HECW1: variants seen among roughly 807,000 people sequenced by gnomAD.
HECW1 encodes E3 ubiquitin-protein ligase HECW1.
HECW1 carries 61 observed loss-of-function variants against 182.3 expected under a neutral mutation model. The observed-to-expected ratio is 0.33, with a 90% CI of 0.27 to 0.41. The LOEUF is 0.41. Ranked by LOEUF, HECW1 falls within the 10% of genes least tolerant of loss-of-function variation. HECW1 has a pLI of 1.00. For synonymous variants in HECW1, 859 were observed against 832.6 expected (o/e 1.03, Z -0.55); for missense variants, 1,739 against 2,108.9 (o/e 0.82, Z 3.44).
chr7:43,140,409 CA>C (rs140149282), intron 2 of HECW1, among the ~76,000 whole-genome samples: 4 of 152,068 alleles, frequency 2.6e-5, no homozygotes, highest in East Asian at 1.9e-4. Flanking sequence ...GTCAGTTCTC[CA>C]AAAAAATCCT....
rs148633194 is a variant in HECW1 at position 43,129,806 on chromosome 7, C to T, written c.-32+15415C>T. On this transcript the variant is annotated intron_variant, in intron 2 of 29. Transcript: ENST00000395891. The stretch of plus-strand genomic sequence containing the variant: ...CACAGATGCTCAAGTCGCTGGTATA[C>T]GATGGTGTGGTACCTGCCCATAAGC... Among the ~76,000 whole-genome samples, 360 of 152,124 alleles carry T rather than the reference C, an allele frequency of 2.4e-3. 2 individuals are homozygous for T. The highest frequency in any genetic ancestry group is 7.9e-3 in the African/African-American group (330 of 41,548).
At chr7:43,359,162 C>T (rs570991858) in intron 5 of HECW1, among the ~76,000 whole-genome samples, 2 of 152,232 alleles carry the variant, frequency 1.3e-5, no homozygotes, top group South Asian at 4.2e-4. Context: ...CTGTAATATT[C>T]GTATCTACAG....
intron 24 of HECW1, among the ~76,000 whole-genome samples, chr7:43,535,208 G>T (rs766739143): frequency 6.6e-5 from 10 of 152,212 alleles, no homozygotes; most frequent in Non-Finnish European, 1.5e-4. Flanking sequence ...CGCTGAAGGG[G>T]AGGGTTGAGT....
intron 2 of HECW1, among the ~76,000 whole-genome samples, chr7:43,199,266 AGT>A (rs1794820628): frequency 6.6e-6 from 1 of 152,248 alleles, no homozygotes; most frequent in Non-Finnish European, 1.5e-5. Context: ...ACATTTTAAA[AGT>A]GTGTTTTATA....
chr7:43,397,004 A>G (rs2075253754), intron 7 of HECW1, 115 bp downstream of exon 7: 1 of 772,894 alleles, frequency 1.3e-6, no homozygotes, highest in Non-Finnish European at 2.3e-6. Flanking sequence ...CTGTGCCTCA[A>G]TTTCTCAATC....
intron 2 of HECW1, among the ~76,000 whole-genome samples, chr7:43,183,739 T>C (rs1793090081): frequency 6.6e-6 from 1 of 152,216 alleles, no homozygotes; most frequent in Non-Finnish European, 1.5e-5. Context: ...TGAATGTTGT[T>C]TGATACTTTC....
At chr7:43,404,023 C>G (rs1190349087) in intron 7 of HECW1, among the ~76,000 whole-genome samples, 2 of 152,126 alleles carry the variant, frequency 1.3e-5, no homozygotes, top group Admixed American at 6.5e-5. Context: ...TCTATGTGCT[C>G]TTATGGACAT....
intron 17 of HECW1, among the ~76,000 whole-genome samples, chr7:43,485,483 A>G (rs1019127000): frequency 1.3e-5 from 2 of 152,156 alleles, no homozygotes; most frequent in Non-Finnish European, 2.9e-5. Flanking sequence ...TTGTTAGGCA[A>G]TCTTGTCACT....
At chr7:43,491,830 A>T (rs1467208274) in intron 17 of HECW1, among the ~76,000 whole-genome samples, 2 of 152,096 alleles carry the variant, frequency 1.3e-5, no homozygotes, top group African/African-American at 4.8e-5. Context: ...TGACCTTGTT[A>T]TCAAGGTCTC....
intron 2 of HECW1, among the ~76,000 whole-genome samples, chr7:43,222,566 C>T (rs547033814): frequency 2.0e-5 from 3 of 152,268 alleles, no homozygotes; most frequent in Non-Finnish European, 4.4e-5. Context: ...ATCATATTTT[C>T]TTCAGCTGCT....
chr7:43,184,891 G>C (rs1224606148), intron 2 of HECW1, among the ~76,000 whole-genome samples: 1 of 152,066 alleles, frequency 6.6e-6, no homozygotes, highest in East Asian at 1.9e-4. Context: ...GCTGGAGCAA[G>C]AGGAACAGAT....
chr7:43,228,977 T>C (rs982836553), intron 2 of HECW1, among the ~76,000 whole-genome samples: 2 of 152,234 alleles, frequency 1.3e-5, no homozygotes, highest in East Asian at 3.8e-4. Flanking sequence ...TGTCTTTTTT[T>C]CTTCTGTTTT....
chr7:43,374,088 T>C (rs975150695), intron 6 of HECW1, among the ~76,000 whole-genome samples: 1 of 152,212 alleles, frequency 6.6e-6, no homozygotes, highest in Admixed American at 6.5e-5. Context: ...TTGAGGAAAC[T>C]CCACTGGTTA....
At chr7:43,300,889 G>A (rs1057400111) in intron 3 of HECW1, among the ~76,000 whole-genome samples, 3 of 152,100 alleles carry the variant, frequency 2.0e-5, no homozygotes, top group African/African-American at 7.2e-5. Context: ...CCCTGCACCC[G>A]CCCAGGAGCC....
chr7:43,544,444 G>A (rs867463015), intron 26 of HECW1, among the ~76,000 whole-genome samples: 1 of 152,190 alleles, frequency 6.6e-6, no homozygotes, highest in Non-Finnish European at 1.5e-5. Context: ...TCATTAGAAT[G>A]TCAAGAATCA....
chr7:43,244,946 TGA>T (rs1799236922), intron 3 of HECW1, among the ~76,000 whole-genome samples: 3 of 152,216 alleles, frequency 2.0e-5, no homozygotes, highest in African/African-American at 7.2e-5. Flanking sequence ...GGCGGGAAGA[TGA>T]GGCCACGCTC....
chr7:43,486,712 C>T (rs368904678), intron 17 of HECW1, among the ~76,000 whole-genome samples: 1 of 152,206 alleles, frequency 6.6e-6, no homozygotes, highest in Non-Finnish European at 1.5e-5. Context: ...ATTGCCTATG[C>T]ATCCATTGTT....
intron 5 of HECW1, among the ~76,000 whole-genome samples, chr7:43,333,783 G>A (rs546172451): frequency 6.6e-6 from 1 of 152,240 alleles, no homozygotes; most frequent in South Asian, 2.1e-4. Flanking sequence ...GAGGGAAGGG[G>A]CCAGATGGTC....
intron 3 of HECW1, among the ~76,000 whole-genome samples, chr7:43,256,808 C>G (rs1800636931): frequency 6.6e-6 from 1 of 152,066 alleles, no homozygotes; most frequent in South Asian, 2.1e-4. Flanking sequence ...TCCCCCTTCT[C>G]TGCATCTGGC....
Sources: gnomAD v4.1 joint callset for allele counts (sites outside exome capture counted in the v4.1 genomes callset) on GRCh38, gnomAD v4.1.1 for gene constraint, MANE v1.5 for transcripts, NCBI Gene and HGNC (gene_info 2026-07-23, HGNC 2026-07-21) for gene names.